LDB2: variants seen among roughly 807,000 people sequenced by gnomAD.
LDB2 encodes the protein LIM domain binding 2.
Under a neutral mutation model 44.3 loss-of-function variants are expected in LDB2, and 12 were observed. That is an observed-to-expected ratio of 0.27 (90% confidence interval 0.17 to 0.44). The LOEUF (loss-of-function observed/expected upper bound fraction) is 0.44, where lower values mean the gene tolerates loss of function less well. Among genes scored for constraint, LDB2 ranks in the 20% least tolerant of loss-of-function variants. The probability of loss-of-function intolerance (pLI) is 1.00; values close to 1 mark genes in which losing one functional copy is unlikely to be tolerated. For missense variants in LDB2, 344 were observed against 473.5 expected (o/e 0.73, Z 2.54); for synonymous variants, 164 against 174.8 (o/e 0.94, Z 0.49).
intron 1 of LDB2, among the ~76,000 whole-genome samples, chr4:16,870,619 T>C (rs552411074): frequency 6.9e-6 from 1 of 145,410 alleles, no homozygotes; most frequent in African/African-American, 2.5e-5. Flanking sequence ...CTCACTTCCT[T>C]GCATTCTCTT....
At chr4:16,897,273 C>T (rs369340403) in intron 1 of LDB2, among the ~76,000 whole-genome samples, 7 of 152,182 alleles carry the variant, frequency 4.6e-5, no homozygotes, top group African/African-American at 1.2e-4. Flanking sequence ...TCCCTAAAAG[C>T]TCTTTGGCAT....
chr4:16,793,430 A>G (rs918585254), intron 1 of LDB2, among the ~76,000 whole-genome samples: 4 of 152,164 alleles, frequency 2.6e-5, no homozygotes, highest in African/African-American at 9.7e-5. Flanking sequence ...GGAGGGTTCC[A>G]TAGGTGGAAT....
intron 5 of LDB2, among the ~76,000 whole-genome samples, chr4:16,558,253 A>G (rs189467193): frequency 4.3e-4 from 66 of 152,320 alleles, no homozygotes; most frequent in Non-Finnish European, 9.0e-4. Context: ...CAGACCATCA[A>G]ACTACTACGA....
chr4:16,818,211 A>G (rs1252481391), intron 1 of LDB2, among the ~76,000 whole-genome samples: 1 of 152,126 alleles, frequency 6.6e-6, no homozygotes, highest in African/African-American at 2.4e-5. Flanking sequence ...ATGGTTCCTT[A>G]GCAGGGTGGT....
intron 5 of LDB2, among the ~76,000 whole-genome samples, chr4:16,551,776 C>T (rs1737768348): frequency 6.6e-6 from 1 of 152,180 alleles, no homozygotes; most frequent in Admixed American, 6.5e-5. Flanking sequence ...CTTGGCCTCC[C>T]AAAGTGCTGG....
chr4:16,821,387 A>T (rs74802600), intron 1 of LDB2, among the ~76,000 whole-genome samples: 46 of 130,728 alleles, frequency 3.5e-4, no homozygotes, highest in Middle Eastern at 4.0e-3. Context: ...TTTTTTTTTT[A>T]TTTTTTTTTT....
chr4:16,625,967 A>T (rs1328949173), intron 2 of LDB2, among the ~76,000 whole-genome samples: 1 of 152,066 alleles, frequency 6.6e-6, no homozygotes, highest in Non-Finnish European at 1.5e-5. Flanking sequence ...GACACAACCT[A>T]TATCACTGAT....
At chr4:16,577,591 A>G (rs1712249354) in intron 5 of LDB2, among the ~76,000 whole-genome samples, 1 of 152,204 alleles carries the variant, frequency 6.6e-6, no homozygotes, top group African/African-American at 2.4e-5. Flanking sequence ...AAATGGAAAG[A>G]TATTCCATTT....
chr4:16,612,744 C>T (rs1339687816), intron 2 of LDB2, among the ~76,000 whole-genome samples: 14 of 152,224 alleles, frequency 9.2e-5, no homozygotes, highest in African/African-American at 2.6e-4. Context: ...CAGGACCGGA[C>T]GGATTCACAG....
At chr4:16,675,174 C>T (rs1745948679) in intron 2 of LDB2, among the ~76,000 whole-genome samples, 1 of 152,126 alleles carries the variant, frequency 6.6e-6, no homozygotes, top group Non-Finnish European at 1.5e-5. Flanking sequence ...TCAGCTTTCC[C>T]CAATGGCAAC....
At chr4:16,597,407 T>C (rs1560586605) in intron 2 of LDB2, among the ~76,000 whole-genome samples, 1 of 152,200 alleles carries the variant, frequency 6.6e-6, no homozygotes, top group Admixed American at 6.5e-5. Flanking sequence ...ATTTTCTAAA[T>C]ATAAAATTCA....
At chr4:16,645,369 T>C (rs1736443332) in intron 2 of LDB2, among the ~76,000 whole-genome samples, 1 of 151,524 alleles carries the variant, frequency 6.6e-6, no homozygotes, top group African/African-American at 2.4e-5. Context: ...ACCCCGTCTC[T>C]ACTAAAAATG....
chr4:16,753,854 A>G (rs1198207638), intron 2 of LDB2, among the ~76,000 whole-genome samples: 3 of 152,212 alleles, frequency 2.0e-5, no homozygotes, highest in African/African-American at 7.2e-5. Context: ...ATCTCAGTCT[A>G]GAGAAAACAA....
intron 2 of LDB2, among the ~76,000 whole-genome samples, chr4:16,745,167 C>G (rs1764140107): frequency 6.6e-6 from 1 of 152,168 alleles, no homozygotes; most frequent in African/African-American, 2.4e-5. Context: ...AAGGCATTCT[C>G]TAATTGGGTC....
intron 5 of LDB2, among the ~76,000 whole-genome samples, chr4:16,571,643 C>G (rs1453510928): frequency 6.6e-6 from 1 of 152,152 alleles, no homozygotes; most frequent in Non-Finnish European, 1.5e-5. Flanking sequence ...TTCTGAGCCT[C>G]AGTTTCTTTT....
intron 2 of LDB2, among the ~76,000 whole-genome samples, chr4:16,722,458 T>C (rs1167154146): frequency 1.3e-5 from 2 of 152,274 alleles, no homozygotes; most frequent in African/African-American, 4.8e-5. Flanking sequence ...TTTCTGTGAT[T>C]CTACAATATA....
intron 2 of LDB2, among the ~76,000 whole-genome samples, chr4:16,737,017 ATAAG>A (rs1762037248): frequency 6.6e-6 from 1 of 152,188 alleles, no homozygotes; most frequent in African/African-American, 2.4e-5. Flanking sequence ...GATATTTTGT[ATAAG>A]TAAGTAAACA....
At chr4:16,619,661 G>A (rs916131879) in intron 2 of LDB2, among the ~76,000 whole-genome samples, 9 of 149,408 alleles carry the variant, frequency 6.0e-5, no homozygotes, top group Non-Finnish European at 1.3e-4. Context: ...TGATAACCAG[G>A]GTGATCATTC....
chr4:16,831,948 G>A (rs1185860894), intron 1 of LDB2, among the ~76,000 whole-genome samples: 1 of 152,176 alleles, frequency 6.6e-6, no homozygotes, highest in Non-Finnish European at 1.5e-5. Flanking sequence ...TGCAACCCAT[G>A]CATTGAGACT....
Sources: allele counts gnomAD v4.1 joint callset (sites outside exome capture counted in the v4.1 genomes callset), GRCh38; gene constraint gnomAD v4.1.1; transcripts MANE v1.5; gene names NCBI Gene and HGNC (gene_info 2026-07-23, HGNC 2026-07-21).